FBLN2: variants seen among roughly 807,000 people sequenced by gnomAD.
The protein encoded by FBLN2 is fibulin 2, also known as fibulin-2.
Under a neutral mutation model 123.7 loss-of-function variants are expected in FBLN2, and 81 were observed. The observed-to-expected ratio is 0.65, with a 90% confidence interval of 0.55 to 0.79. The LOEUF (loss-of-function observed/expected upper bound fraction) is 0.79, where lower values mean the gene tolerates loss of function less well. FBLN2 is among the 30% of genes least tolerant of loss of function. The probability of loss-of-function intolerance (pLI) is 0.00; values close to 1 mark genes in which losing one functional copy is unlikely to be tolerated. For synonymous variants in FBLN2, 699 were observed against 701.4 expected (o/e 1.00, Z 0.05); for missense variants, 1,603 against 1,681.3 (o/e 0.95, Z 0.81).
At chr3:13,553,277 T>G (rs1308874941) in intron 1 of FBLN2, among the ~76,000 whole-genome samples, 1 of 152,158 alleles carries the variant, frequency 6.6e-6, no homozygotes, top group Non-Finnish European at 1.5e-5. Context: ...ACTGTGAGGT[T>G]GAAGGGTCCC....
intron 2 of FBLN2, among the ~76,000 whole-genome samples, chr3:13,578,585 T>C (rs1704221038): frequency 6.6e-6 from 1 of 152,276 alleles, no homozygotes; most frequent in Non-Finnish European, 1.5e-5. Context: ...TTCAAAAATC[T>C]GTTCATCTGT....
At chr3:13,621,697 C>G in intron 8 of FBLN2, 78 bp from the exon 9 acceptor site, 1 of 1,523,938 alleles carries the variant, frequency 6.6e-7, no homozygotes, top group Non-Finnish European at 9.0e-7. Flanking sequence ...GGGTCTCATT[C>G]TCCTGTCACT....
rs143416084 is a variant in FBLN2 at position 13,562,153 on chromosome 3, C to T, written c.-41-8162C>T. Among the ~76,000 whole-genome samples, 206 of 152,300 alleles carry T rather than the reference C, an allele frequency of 1.4e-3. 1 individual carries two copies. Among genetic ancestry groups the T allele is most frequent in the African/African-American group, 4.5e-3 (187 of 41,558 alleles). The stretch of plus-strand genomic sequence containing the variant: ...CAGAGAAGGAGCACCGGGTCACCCT[C>T]TAATTTCCCTTTTGGCTTTGGCTGC... On this transcript the variant is annotated intron_variant, in intron 1 of 17. Coordinates refer to ENST00000404922, the MANE Select transcript of FBLN2 (RefSeq NM_001004019.2).
intron 2 of FBLN2, among the ~76,000 whole-genome samples, chr3:13,600,154 G>GGC (rs1479375006): frequency 6.6e-6 from 1 of 151,776 alleles, no homozygotes; most frequent in African/African-American, 2.4e-5. Flanking sequence ...GTGACTGCTG[G>GGC]GCGGAGCCTT....
chr3:13,595,604 A>G (rs1026857239), intron 2 of FBLN2, among the ~76,000 whole-genome samples: 4 of 152,174 alleles, frequency 2.6e-5, no homozygotes, highest in Non-Finnish European at 5.9e-5. Flanking sequence ...CTGTTTGCTC[A>G]GGCCCCACAA....
rs141981193 is a variant in FBLN2, at chr3:13,602,347, T to C, written c.1307-5715T>C. 2.2e-3 allele frequency among the ~76,000 whole-genome samples: 336 copies of C among 152,346 alleles called. 1 individual carries two copies. Among genetic ancestry groups the C allele is most frequent in the Non-Finnish European group, 3.6e-3 (248 of 68,028 alleles). On this transcript the variant is annotated intron_variant, in intron 2 of 17. Transcript: ENST00000404922. ...ATTAGAACTTTGAAGTGTATTCTGATACCGTTAGAGAAAGTCTACCTTCTC... is the reference window on the plus strand; with the variant it reads ...ATTAGAACTTTGAAGTGTATTCTGACACCGTTAGAGAAAGTCTACCTTCTC...
At chr3:13,631,691 G>C (rs950764238) in intron 16 of FBLN2, among the ~76,000 whole-genome samples, 5 of 152,214 alleles carry the variant, frequency 3.3e-5, no homozygotes, top group African/African-American at 1.2e-4. Flanking sequence ...CTTGTGCTCA[G>C]CTCTGGACCC....
chr3:13,626,604 C>G, intron 10 of FBLN2, 25 bp downstream of exon 10: 1 of 1,520,842 alleles, frequency 6.6e-7, no homozygotes, highest in Non-Finnish European at 8.9e-7. Flanking sequence ...GAAGGACCAA[C>G]TGGAGGCCCC....
intron 2 of FBLN2, 68 bp downstream of exon 2, chr3:13,571,729 G>T: frequency 6.9e-7 from 1 of 1,455,492 alleles, no homozygotes; most frequent in Non-Finnish European, 9.1e-7. Context: ...TCTGGCCGCT[G>T]CCCCAGGTCT....
intron 2 of FBLN2, among the ~76,000 whole-genome samples, chr3:13,598,724 T>A (rs1704928823): frequency 6.6e-6 from 1 of 152,194 alleles, no homozygotes. Context: ...TGCTGGGCAC[T>A]GGAGACCCTG....
intron 2 of FBLN2, among the ~76,000 whole-genome samples, chr3:13,592,028 T>C (rs971825304): frequency 6.6e-6 from 1 of 150,722 alleles, no homozygotes; most frequent in Non-Finnish European, 1.5e-5. Flanking sequence ...CTTTTTTTTT[T>C]TTTTTTTTTA....
chr3:13,559,123 A>G (rs1196023584), intron 1 of FBLN2, among the ~76,000 whole-genome samples: 1 of 152,148 alleles, frequency 6.6e-6, no homozygotes, highest in Non-Finnish European at 1.5e-5. Flanking sequence ...GACTTCAGCC[A>G]GGGGTCTGTG....
intron 16 of FBLN2, among the ~76,000 whole-genome samples, chr3:13,634,285 G>A (rs915401600): frequency 9.2e-5 from 14 of 152,264 alleles, no homozygotes; most frequent in Admixed American, 2.6e-4. Flanking sequence ...CCCTGGATAC[G>A]GGGCCTAGTC....
At chr3:13,549,635 T>A (rs1574935781) in intron 1 of FBLN2, among the ~76,000 whole-genome samples, 1 of 74,150 alleles carries the variant, frequency 1.3e-5, no homozygotes, top group Non-Finnish European at 2.4e-5. Context: ...GTCAACCCCC[T>A]CGGGGAAAGA....
intron 11 of FBLN2, among the ~76,000 whole-genome samples, chr3:13,628,518 G>A (rs1032726292): frequency 1.3e-5 from 2 of 152,112 alleles, no homozygotes; most frequent in African/African-American, 4.8e-5. Context: ...CCCGCTCTGC[G>A]CCCCCCATCA....
intron 2 of FBLN2, among the ~76,000 whole-genome samples, chr3:13,599,790 A>T (rs1236436632): frequency 1.3e-5 from 2 of 151,382 alleles, no homozygotes; most frequent in African/African-American, 4.9e-5. Context: ...GGCTTGGGAA[A>T]ATCCGGAGCT....
rs1243966226 is a variant in FBLN2, at chr3:13,637,572, C to G, written c.3349C>G (p.Arg1117Gly). Residue 1117 changes from arginine (R) to glycine (G), a missense_variant, in exon 18 of 18, where the codon CGC becomes GGC. Transcript: ENST00000404922. ...CTATCCTCCCTGCAGGAAGTGCGAG[C>G]GCACCACGTGCCATGACTTCCTGGA... is the stretch of plus-strand genomic sequence containing the variant. ...YVQVSKTKCE[R>G]TTCHDFLECQ... The G allele has an allele frequency of 1.9e-6, 3 of 1,605,160 alleles. No individual in the cohort carries two copies.
intron 2 of FBLN2, among the ~76,000 whole-genome samples, chr3:13,588,637 G>A (rs1704580562): frequency 6.6e-6 from 1 of 152,238 alleles, no homozygotes; most frequent in East Asian, 1.9e-4. Context: ...CGGATCACCC[G>A]AGGCTTTGCA....
At chr3:13,625,886 C>G (rs1320891461) in intron 9 of FBLN2, among the ~76,000 whole-genome samples, 1 of 151,632 alleles carries the variant, frequency 6.6e-6, no homozygotes, top group East Asian at 1.9e-4. Flanking sequence ...TGCAGCACAC[C>G]CACCTCCTGG....
Sources: allele counts gnomAD v4.1 joint callset (sites outside exome capture counted in the v4.1 genomes callset), GRCh38; gene constraint gnomAD v4.1.1; transcripts MANE v1.5; gene names NCBI Gene and HGNC (gene_info 2026-07-23, HGNC 2026-07-21).